Variants in DYTN observed in about 807,000 individuals in gnomAD.
DYTN encodes dystrotelin.
In DYTN, 75 loss-of-function variants were observed where a neutral mutation model predicts 69.6. The ratio of observed to expected loss-of-function variants is 1.08; its 90% CI spans 0.89 to 1.31. The LOEUF is 1.31. Among genes scored for constraint, DYTN ranks in the 50% most tolerant of loss-of-function variants. The probability of loss-of-function intolerance (pLI) is 0.00; values close to 1 mark genes in which losing one functional copy is unlikely to be tolerated. For synonymous variants in DYTN, 252 were observed against 249.1 expected (o/e 1.01, Z -0.11); for missense variants, 726 against 688.4 (o/e 1.05, Z -0.61).
At chr2:206,678,008 G>A (rs1699709244) in intron 9 of DYTN, among the ~76,000 whole-genome samples, 1 of 151,808 alleles carries the variant, frequency 6.6e-6, no homozygotes, top group Non-Finnish European at 1.5e-5. Flanking sequence ...AAAGACTAAC[G>A]CTTTTATAAG....
At chr2:206,710,198 A>G (rs1238872839) in intron 2 of DYTN, among the ~76,000 whole-genome samples, 1 of 151,810 alleles carries the variant, frequency 6.6e-6, no homozygotes, top group African/African-American at 2.4e-5. Flanking sequence ...TTTTTTTGCA[A>G]TTTTATTTTG....
intron 9 of DYTN, among the ~76,000 whole-genome samples, chr2:206,682,004 C>T (rs569656825): frequency 6.6e-6 from 1 of 152,210 alleles, no homozygotes; most frequent in South Asian, 2.1e-4. Flanking sequence ...TCTGTCTGGT[C>T]CTGGACTTTT....
intron 2 of DYTN, among the ~76,000 whole-genome samples, chr2:206,707,939 GC>G (rs1700043183): frequency 6.6e-6 from 1 of 152,186 alleles, no homozygotes; most frequent in Non-Finnish European, 1.5e-5. Flanking sequence ...CTTGTCTGCA[GC>G]CCAGCTTCAG....
chr2:206,657,612 T>C (rs1227842743), intron 11 of DYTN, among the ~76,000 whole-genome samples: 1 of 152,238 alleles, frequency 6.6e-6, no homozygotes, highest in African/African-American at 2.4e-5. Context: ...TGTATATATT[T>C]ACCTTTACTA....
chr2:206,659,961 A>C (rs961071744), intron 11 of DYTN, among the ~76,000 whole-genome samples: 1 of 149,854 alleles, frequency 6.7e-6, no homozygotes, highest in African/African-American at 2.5e-5. Context: ...ATTACTATTC[A>C]AGAAATTTTA....
intron 1 of DYTN, among the ~76,000 whole-genome samples, chr2:206,714,759 T>A (rs1432577564): frequency 1.3e-5 from 2 of 152,020 alleles, no homozygotes; most frequent in Non-Finnish European, 2.9e-5. Flanking sequence ...CTGTGTCCAG[T>A]CTTGACATGG....
chr2:206,715,915 C>T (rs1006003584), intron 1 of DYTN, among the ~76,000 whole-genome samples: 4 of 152,066 alleles, frequency 2.6e-5, no homozygotes, highest in African/African-American at 4.8e-5. Flanking sequence ...TGGTGAAACC[C>T]CGCCTCTACT....
intron 10 of DYTN, 101 bp downstream of exon 10, chr2:206,665,769 G>A: frequency 7.1e-7 from 1 of 1,412,612 alleles, no homozygotes; most frequent in Non-Finnish European, 9.6e-7. Context: ...GGCAAGGGAA[G>A]AGGCTGATCA....
chr2:206,696,589 C>T (rs983619663), intron 7 of DYTN, among the ~76,000 whole-genome samples: 1 of 152,166 alleles, frequency 6.6e-6, no homozygotes, highest in African/African-American at 2.4e-5. Flanking sequence ...CATACGATTA[C>T]CCTCATTTTG....
chr2:206,670,910 T>TA (rs1429424293), intron 9 of DYTN, among the ~76,000 whole-genome samples: 1 of 152,230 alleles, frequency 6.6e-6, no homozygotes, highest in Non-Finnish European at 1.5e-5. Context: ...GGAAGTCTCT[T>TA]ACTTCTACCA....
intron 7 of DYTN, among the ~76,000 whole-genome samples, chr2:206,695,908 C>T (rs1403707467): frequency 6.6e-6 from 1 of 152,154 alleles, no homozygotes; most frequent in Non-Finnish European, 1.5e-5. Context: ...CTTGCCTTGC[C>T]TTTTAAGCAT....
intron 11 of DYTN, among the ~76,000 whole-genome samples, chr2:206,653,560 C>T (rs368704787): frequency 2.0e-5 from 3 of 152,152 alleles, no homozygotes; most frequent in African/African-American, 7.2e-5. Flanking sequence ...GAGTAGACTA[C>T]AAGAATGATA....
intron 10 of DYTN, among the ~76,000 whole-genome samples, chr2:206,665,040 T>G (rs1168255379): frequency 6.6e-6 from 1 of 152,314 alleles, no homozygotes; most frequent in African/African-American, 2.4e-5. Flanking sequence ...TTTGGTGTAG[T>G]ATTAAAGAGA....
At chr2:206,662,817 CT>C in intron 11 of DYTN, 85 bp downstream of exon 11, 1 of 1,519,256 alleles carries the variant, frequency 6.6e-7, no homozygotes, top group Admixed American at 2.1e-5. Context: ...TGAACTGGAG[CT>C]GTTGGGCTGT....
chr2:206,652,063 A>T, intron 11 of DYTN, 142 bp from the exon 12 acceptor site: 5 of 671,316 alleles, frequency 7.4e-6, no homozygotes, highest in Non-Finnish European at 1.2e-5. Context: ...GTTAGCCAGC[A>T]AATAAGATGG....
At chr2:206,681,138 G>GT (rs1699746368) in intron 9 of DYTN, among the ~76,000 whole-genome samples, 1 of 152,046 alleles carries the variant, frequency 6.6e-6, no homozygotes. Flanking sequence ...TGTAGTAATT[G>GT]TGAATGGAAG....
chr2:206,670,293 T>A (rs1293992951), intron 9 of DYTN, among the ~76,000 whole-genome samples: 1 of 152,210 alleles, frequency 6.6e-6, no homozygotes, highest in Non-Finnish European at 1.5e-5. Context: ...GTCATTTTTG[T>A]TATGCTTAAC....
intron 11 of DYTN, among the ~76,000 whole-genome samples, chr2:206,659,328 C>A (rs1049713440): frequency 1.3e-5 from 2 of 151,236 alleles, no homozygotes; most frequent in African/African-American, 4.8e-5. Flanking sequence ...CCAGCCACCA[C>A]GCCCGGCTAA....
intron 9 of DYTN, among the ~76,000 whole-genome samples, chr2:206,666,500 C>CT (rs774547531): frequency 6.6e-6 from 1 of 152,158 alleles, no homozygotes; most frequent in African/African-American, 2.4e-5. Context: ...CAGCTTCCCT[C>CT]TACTGGCTAC....
Sources: allele counts gnomAD v4.1 joint callset (sites outside exome capture counted in the v4.1 genomes callset), GRCh38; gene constraint gnomAD v4.1.1; transcripts MANE v1.5; gene names NCBI Gene and HGNC (gene_info 2026-07-23, HGNC 2026-07-21).